UBAC2: variants seen among roughly 807,000 people sequenced by gnomAD.
UBAC2 encodes the protein ubiquitin-associated domain-containing protein 2.
UBAC2 carries 26 observed loss-of-function variants against 44.0 expected under a neutral mutation model. The observed-to-expected ratio is 0.59, with a 90% confidence interval of 0.43 to 0.82. The LOEUF (loss-of-function observed/expected upper bound fraction) is 0.82. Ranked by LOEUF, UBAC2 falls within the 40% of genes least tolerant of loss-of-function variation. The pLI is 0.00. For synonymous variants in UBAC2, 155 were observed against 154.3 expected, an observed-to-expected ratio of 1.00 and a Z score of -0.04; for missense variants, 329 against 419.4, an observed-to-expected ratio of 0.78 and a Z score of 1.88.
chr13:99,363,988 T>C (rs2045298653), intron 7 of UBAC2, among the ~76,000 whole-genome samples: 1 of 152,210 alleles, frequency 6.6e-6, no homozygotes, highest in Non-Finnish European at 1.5e-5. Flanking sequence ...TCTCTAATGA[T>C]TTCAATAGAG....
At chr13:99,333,953 T>C (rs1414849719) in intron 6 of UBAC2, among the ~76,000 whole-genome samples, 1 of 152,092 alleles carries the variant, frequency 6.6e-6, no homozygotes, top group African/African-American at 2.4e-5. Context: ...AAAAACCTGA[T>C]TTAAAAAAAA....
intron 6 of UBAC2, among the ~76,000 whole-genome samples, chr13:99,321,026 G>A (rs2044560845): frequency 6.6e-6 from 1 of 152,158 alleles, no homozygotes; most frequent in Non-Finnish European, 1.5e-5. Context: ...TCAGTGTTTT[G>A]GGGAATGTTA....
At chr13:99,370,252 G>T (rs7325572) in intron 8 of UBAC2, among the ~76,000 whole-genome samples, 2 of 152,114 alleles carry the variant, frequency 1.3e-5, no homozygotes, top group African/African-American at 4.8e-5. Flanking sequence ...AATAATACCT[G>T]TGCATGTCAG....
At chr13:99,318,920 C>A in intron 6 of UBAC2, among the ~76,000 whole-genome samples, 1 of 148,794 alleles carries the variant, frequency 6.7e-6, no homozygotes. Context: ...TTTAGCTGGG[C>A]TTGTCAGTGT....
At chr13:99,382,774 T>C (rs2045567736) in intron 8 of UBAC2, among the ~76,000 whole-genome samples, 1 of 152,044 alleles carries the variant, frequency 6.6e-6, no homozygotes, top group African/African-American at 2.4e-5. Context: ...GGGGGCCTTC[T>C]AGTCTGGGAG....
chr13:99,282,525 G>A (rs1342010795), intron 4 of UBAC2, among the ~76,000 whole-genome samples: 1 of 152,144 alleles, frequency 6.6e-6, no homozygotes, highest in Non-Finnish European at 1.5e-5. Context: ...AAACATTTGA[G>A]TGTGTCAAAA....
chr13:99,289,169 G>C (rs922719519), intron 4 of UBAC2, among the ~76,000 whole-genome samples: 1 of 152,236 alleles, frequency 6.6e-6, no homozygotes, highest in Non-Finnish European at 1.5e-5. Context: ...CTCCAGGCCA[G>C]TGTCTTTTTT....
intron 5 of UBAC2, 55 bp downstream of exon 5, chr13:99,314,275 T>TC: frequency 1.3e-6 from 2 of 1,528,252 alleles, no homozygotes; most frequent in Non-Finnish European, 1.8e-6. Context: ...TTTTTTTTTT[T>TC]TTTTTGGTCT....
intron 2 of UBAC2, among the ~76,000 whole-genome samples, chr13:99,238,890 G>A (rs1383902834): frequency 6.6e-6 from 1 of 152,104 alleles, no homozygotes; most frequent in African/African-American, 2.4e-5. Flanking sequence ...CCAAAACCTT[G>A]TCTCAATTTG....
chr13:99,234,886 G>T (rs550016324), intron 1 of UBAC2, among the ~76,000 whole-genome samples: 3 of 152,274 alleles, frequency 2.0e-5, no homozygotes, highest in African/African-American at 7.2e-5. Context: ...CTGATATTTT[G>T]TTCTATTGGG....
At chr13:99,247,918 G>T (rs1273378489) in intron 4 of UBAC2, among the ~76,000 whole-genome samples, 1 of 149,398 alleles carries the variant, frequency 6.7e-6, no homozygotes, top group Non-Finnish European at 1.5e-5. Flanking sequence ...CTCTTATAAA[G>T]GTCACCAGTG....
chr13:99,324,879 TATGAAAAAATATATATAA>T (rs2044616875), intron 6 of UBAC2, among the ~76,000 whole-genome samples: 3 of 152,144 alleles, frequency 2.0e-5, no homozygotes, highest in African/African-American at 7.2e-5. Context: ...TGATTTTCTG[TATGAAAAAATATATATAA>T]ATGAAAATAT....
At chr13:99,247,077 C>T (rs1469693645) in intron 4 of UBAC2, among the ~76,000 whole-genome samples, 1 of 152,156 alleles carries the variant, frequency 6.6e-6, no homozygotes, top group Non-Finnish European at 1.5e-5. Flanking sequence ...CTCAAGTGAT[C>T]CTCCTTTCTT....
chr13:99,206,445 C>A (rs1270995836), intron 1 of UBAC2, among the ~76,000 whole-genome samples: 1 of 152,248 alleles, frequency 6.6e-6, no homozygotes, highest in Non-Finnish European at 1.5e-5. Context: ...TCCACGGAAT[C>A]ACGCGTCCCG....
chr13:99,333,095 C>CGG lies in UBAC2; in HGVS notation c.562-7225_562-7224insGG, dbSNP rs1566507159. On this transcript the variant is annotated intron_variant, in intron 6 of 8. Transcript: ENST00000403766. ...TGAGCAACATGGTGAAACCCCGTCT[C>CGG]TGGGGGGGGAAGAAAGAGAGAGATA... Among the ~76,000 whole-genome samples the CGG allele has an allele frequency of 2.6e-3, 361 of 138,282 alleles. 2 individuals carry two copies. Among genetic ancestry groups the CGG allele is most frequent in the African/African-American group, 8.4e-3 (343 of 40,968 alleles). 90.7% of individuals were successfully genotyped at this position (138,282 alleles called of 152,430 possible). A position where few individuals can be genotyped will look rare whatever the true frequency, so the allele number is the denominator to read the frequency against.
In UBAC2 at chr13:99,386,335, T is replaced by G. The variant is rs2138944513; in HGVS notation, c.*1000T>G. ...CCGAAGCAAGTTGACTCTTGCAATG[T>G]GCAACTGTTATGTTCTGCAAAATGA... is the stretch of plus-strand genomic sequence containing the variant. On this transcript the variant is annotated 3_prime_UTR_variant, in exon 9 of 9. Coordinates refer to ENST00000403766, the MANE Select transcript of UBAC2 (RefSeq NM_001144072.2). 1 of 152,402 alleles carries G rather than the reference T, an allele frequency of 6.6e-6. No homozygotes were observed. The highest frequency in any genetic ancestry group is 3.4e-3 in the Middle Eastern group (1 of 294). 9.4% of individuals were successfully genotyped at this position (152,402 alleles called of 1,614,324 possible).
At chr13:99,259,334 T>TG (rs1381966656) in intron 4 of UBAC2, among the ~76,000 whole-genome samples, 1 of 150,134 alleles carries the variant, frequency 6.7e-6, no homozygotes, top group Non-Finnish European at 1.5e-5. Context: ...TTAGACAGTT[T>TG]GGGGTCCATC....
intron 1 of UBAC2, among the ~76,000 whole-genome samples, chr13:99,224,201 G>A (rs35309448): frequency 0.09 from 13,724 of 152,180 alleles, 710 homozygotes; most frequent in Middle Eastern, 0.14. Flanking sequence ...CTGGCTTCTA[G>A]CTGTGTCATC....
intron 6 of UBAC2, among the ~76,000 whole-genome samples, chr13:99,319,031 C>T (rs573742609): frequency 2.0e-5 from 3 of 151,830 alleles, no homozygotes; most frequent in East Asian, 3.9e-4. Flanking sequence ...AAGACATTGT[C>T]ACACGAGGGA....
Sources: gnomAD v4.1 joint callset for allele counts (sites outside exome capture counted in the v4.1 genomes callset) on GRCh38, gnomAD v4.1.1 for gene constraint, MANE v1.5 for transcripts, NCBI Gene and HGNC (gene_info 2026-07-23, HGNC 2026-07-21) for gene names.